Variants in ZNF688 observed in about 807,000 individuals in gnomAD.
ZNF688 encodes the protein zinc finger protein 688.
A neutral mutation model predicts 13.2 loss-of-function variants in ZNF688; 10 were observed. The observed-to-expected ratio is 0.76, with a 90% CI of 0.47 to 1.28. The LOEUF (loss-of-function observed/expected upper bound fraction) is 1.28, where lower values mean the gene tolerates loss of function less well. ZNF688 is among the 50% of genes most tolerant of loss of function. The pLI, the probability that ZNF688 is intolerant of heterozygous loss-of-function variation, is 0.00. For synonymous variants in ZNF688, 160 were observed against 159.4 expected, an observed-to-expected ratio of 1.00 and a Z score of -0.03; for missense variants, 381 against 391.4, an observed-to-expected ratio of 0.97 and a Z score of 0.22.
chr16:30,574,306 G>A (rs560044143), upstream of ZNF688, among the ~76,000 whole-genome samples: 2 of 152,240 alleles, frequency 1.3e-5, no homozygotes, highest in African/African-American at 4.8e-5. Context: ...AACACTTTGG[G>A]AGGCCAAGGC....
upstream of ZNF688, among the ~76,000 whole-genome samples, chr16:30,574,214 T>C (rs6565192): frequency 0.58 from 87,650 of 151,614 alleles, 28,981 homozygotes; most frequent in African/African-American, 0.9. Context: ...CCACTGCACT[T>C]CAACCTGCGT....
Position 30,571,590 on chromosome 16 carries a change from C to T in ZNF688, c.40G>A (p.Gly14Arg). The T allele has an allele frequency of 6.5e-7, 1 of 1,535,570 alleles. No individual in the cohort carries two copies. ...PPAPLLAPRP[G>R]ETRPGCRKPG... Reference sequence around the variant, plus strand: ...TTCCTGCAACCAGGCCGGGTCTCCCCGGGCCTCGGCGCCAGGAGCGGGGCT... The same window carrying T: ...TTCCTGCAACCAGGCCGGGTCTCCCTGGGCCTCGGCGCCAGGAGCGGGGCT... The change falls in exon 1 of 3, where the codon GGG becomes AGG. Residue 14 changes from glycine (G) to arginine (R), a missense_variant. By Grantham distance (125) the Gly-to-Arg change is moderately radical. Coordinates refer to ENST00000223459, the MANE Select transcript of ZNF688 (RefSeq NM_145271.4).
upstream of ZNF688, among the ~76,000 whole-genome samples, chr16:30,577,151 C>T (rs947538937): frequency 5.3e-5 from 8 of 152,172 alleles, no homozygotes; most frequent in Non-Finnish European, 1.0e-4. Context: ...CAGCCTGGAA[C>T]TCTTGGGCTC....
upstream of ZNF688, chr16:30,572,123 C>A (rs1480922252): frequency 6.3e-7 from 1 of 1,594,450 alleles, no homozygotes; most frequent in East Asian, 2.3e-5. Context: ...TTCACTTACC[C>A]CTCTGTACCC....
chr16:30,571,484 G>T lies in ZNF688; in HGVS notation c.146C>A (p.Ala49Asp). ...EWGCLRPAQRALYRDVMQETY... is the reference protein window; with the variant it reads ...EWGCLRPAQRDLYRDVMQETY... ...CTCCTGCATCACGTCCCGGTACAGA[G>T]CCCTCTGCGCGGGCCGCAGACAGCC... Residue 49 changes from alanine (A) to aspartate (D), a missense_variant, in exon 1 of 3, where the codon GCT becomes GAT. Coordinates refer to ENST00000223459, the MANE Select transcript of ZNF688 (RefSeq NM_145271.4). 6.3e-7 allele frequency: 1 copy of T among 1,590,332 alleles called. No individual in the cohort carries two copies.
At position 30,569,999 on chromosome 16, in the gene ZNF688, C is replaced by G; in HGVS notation, c.748G>C (p.Val250Leu). Residue 250 changes from valine to leucine, a missense_variant, in exon 3 of 3, where the codon GTG becomes CTG. Val to Leu is a conservative substitution (Grantham distance 32). Coordinates refer to ENST00000223459, the MANE Select transcript of ZNF688 (RefSeq NM_145271.4). ...TCACCTCGGACGGGGGCCCGAGGCA[C>G]AGCCCGGATCCCAGGCCTCCGGCCC... ...RRGRRPGIRA[V>L]PRAPVRGDRD... 6.2e-7 allele frequency: 1 copy of G among 1,609,886 alleles called. No homozygotes were observed. The highest frequency in any genetic ancestry group is 8.5e-7 in the Non-Finnish European group (1 of 1,178,746).
chr16:30,574,923 C>A (rs1227481553), upstream of ZNF688, among the ~76,000 whole-genome samples: 4 of 152,192 alleles, frequency 2.6e-5, no homozygotes, highest in Non-Finnish European at 4.4e-5. Context: ...TCCATGAGAT[C>A]AACTTTTCTA....
At chr16:30,572,488 GA>G (rs1156618656), upstream of ZNF688, 1 of 433,816 alleles carries the variant, frequency 2.3e-6, no homozygotes, top group East Asian at 3.6e-5. Flanking sequence ...TCAGGCTCTA[GA>G]CCGAAGCTGC....
Position 30,571,541 on chromosome 16 carries a change from T to A in ZNF688, c.89A>T (p.Asp30Val), listed in dbSNP as rs1290359767. The change falls in exon 1 of 3, where the codon GAC becomes GTC. Residue 30 changes from aspartate (D) to valine (V), a missense_variant. Coordinates refer to ENST00000223459, the MANE Select transcript of ZNF688 (RefSeq NM_145271.4). ...CRKPGTVSFADVAVYFSPEEW... is the reference protein window; with the variant it reads ...CRKPGTVSFAVVAVYFSPEEW... ...CTCCGGGGAGAAGTACACGGCCACG[T>A]CCGCGAAGCTCACAGTCCCGGGCTT... 1 of 1,584,618 alleles carries A rather than the reference T, an allele frequency of 6.3e-7. No homozygotes were observed. The highest frequency in any genetic ancestry group is 1.2e-5 in the South Asian group (1 of 86,934).
At position 30,570,117 on chromosome 16, in the gene ZNF688, A is replaced by G. The variant is rs2051646998; in HGVS notation, c.630T>C (p.Pro210=). ...SHRRMHSGER[P]FPCPECGMRF... is the part of the protein sequence containing the mutation. ...GCATGCCACACTCGGGGCAGGGGAA[A>G]GGCCGCTCCCCCGAGTGCATGCGCC... Residue 210 remains proline (P), a synonymous_variant, in exon 3 of 3, where the codon CCT becomes CCC. Transcript: ENST00000223459. 1.2e-6 allele frequency: 2 copies of G among 1,611,278 alleles called. No homozygotes were observed. The highest frequency in any genetic ancestry group is 1.3e-5 in the African/African-American group (1 of 74,880).
chr16:30,571,601 G>T lies in ZNF688; in HGVS notation c.29C>A (p.Ala10Glu), dbSNP rs1333589795. Residue 10 changes from alanine to glutamate, a missense_variant, in exon 1 of 3, where the codon GCG (alanine) becomes GAG (glutamate). Physicochemically the swap from Ala to Glu is moderately radical, Grantham distance 107 (BLOSUM62 -1). Transcript: ENST00000223459. MAPPPAPLL[A>E]PRPGETRPGC... The stretch of plus-strand genomic sequence containing the variant: ...AGGCCGGGTCTCCCCGGGCCTCGGC[G>T]CCAGGAGCGGGGCTGGGGGCGGCGC... The T allele has an allele frequency of 2.0e-6, 3 of 1,523,488 alleles. No homozygotes were observed. Among genetic ancestry groups the T allele is most frequent in the African/African-American group, 1.4e-5 (1 of 70,636 alleles). 94.4% of individuals were successfully genotyped at this position (1,523,488 alleles called of 1,614,324 possible). A position where few individuals can be genotyped will look rare whatever the true frequency, so the allele number is the denominator to read the frequency against.
intron 2 of ZNF688, 175 bp from the exon 3 acceptor site, chr16:30,570,611 G>T (rs549842765): frequency 1.4e-5 from 10 of 727,014 alleles, no homozygotes; most frequent in Non-Finnish European, 1.9e-5. Flanking sequence ...CTGAGCCTTG[G>T]TTCCTTATGC....
Position 30,570,338 on chromosome 16 carries a change from C to G in ZNF688, c.409G>C (p.Glu137Gln), listed in dbSNP as rs1283823812. 9 of 1,614,096 alleles carry G rather than the reference C, an allele frequency of 5.6e-6. No individual in the cohort carries two copies. Among genetic ancestry groups the G allele is most frequent in the Non-Finnish European group, 7.6e-6 (9 of 1,180,038 alleles). ...CTAATAGCTGGGTCAGGGTTGCGTT[C>G]CACCAGCACTTCAGGACTCTCCTTC... Reference protein sequence around the residue: ...PVKESPEVLVERNPDPAISVA... With the variant: ...PVKESPEVLVQRNPDPAISVA... Residue 137 changes from glutamate to glutamine, a missense_variant, in exon 3 of 3, where the codon GAA becomes CAA. Physicochemically the swap from Glu to Gln is conservative, Grantham distance 29 (BLOSUM62 2). Transcript: ENST00000223459.
At chr16:30,574,819 A>G (rs73534292), upstream of ZNF688, among the ~76,000 whole-genome samples, 1,810 of 152,272 alleles carry the variant, frequency 0.012, 38 homozygotes, top group African/African-American at 0.042. Flanking sequence ...CTTCTTCCTA[A>G]GTGTATGTTT....
chr16:30,572,323 C>T (rs768170041), upstream of ZNF688: 37 of 1,394,710 alleles, frequency 2.7e-5, no homozygotes, highest in African/African-American at 5.3e-4. Context: ...CCGTGCCTCC[C>T]GATGGCGGGA....
chr16:30,573,741 CT>C, upstream of ZNF688: 1 of 183,276 alleles, frequency 5.5e-6, no homozygotes, highest in South Asian at 9.1e-5. Flanking sequence ...ACCTGAAATG[CT>C]TTTTGGCTTT....
chr16:30,572,655 T>A (rs1014962746), upstream of ZNF688: 1 of 166,008 alleles, frequency 6.0e-6, no homozygotes, highest in East Asian at 1.6e-4. Flanking sequence ...CACTGCAGAC[T>A]CGACCTCCCG....
At chr16:30,571,865 C>A (rs1442732916), upstream of ZNF688, 3 of 1,281,264 alleles carry the variant, frequency 2.3e-6, no homozygotes, top group East Asian at 3.1e-5. Context: ...CATAGACACC[C>A]GGGTTAAGGG....
At position 30,571,571 on chromosome 16, in the gene ZNF688, C is replaced by A. The variant is rs777009679; in HGVS notation, c.59G>T (p.Cys20Phe). The A allele has an allele frequency of 1.1e-5, 17 of 1,566,872 alleles. No homozygotes were observed. The Admixed American group carries it at 1.3e-4, about 12-fold the overall frequency. The change falls in exon 1 of 3, where the codon TGC (cysteine) becomes TTC (phenylalanine). Residue 20 changes from cysteine (C) to phenylalanine (F), a missense_variant. By Grantham distance (205) the Cys-to-Phe change is radical (BLOSUM62 -2). Transcript: ENST00000223459. The part of the protein sequence containing the change: ...APRPGETRPG[C>F]RKPGTVSFAD... Reference sequence around the variant, plus strand: ...GAAGCTCACAGTCCCGGGCTTCCTGCAACCAGGCCGGGTCTCCCCGGGCCT... The same window carrying A: ...GAAGCTCACAGTCCCGGGCTTCCTGAAACCAGGCCGGGTCTCCCCGGGCCT...
Sources: allele counts gnomAD v4.1 joint callset (sites outside exome capture counted in the v4.1 genomes callset), GRCh38; gene constraint gnomAD v4.1.1; transcripts MANE v1.5; gene names NCBI Gene and HGNC (gene_info 2026-07-23, HGNC 2026-07-21).